IQCB1: variants seen among roughly 807,000 people sequenced by gnomAD.
IQCB1 encodes IQ calmodulin-binding motif-containing protein 1.
A neutral mutation model predicts 84.4 loss-of-function variants in IQCB1; 56 were observed. That is an observed-to-expected ratio of 0.66 (90% CI 0.54 to 0.83). The LOEUF is 0.83. Among genes scored for constraint, IQCB1 ranks in the 40% least tolerant of loss-of-function variants. The pLI is 0.00. For synonymous variants in IQCB1, 210 were observed against 234.8 expected (o/e 0.89, Z 0.96); for missense variants, 629 against 682.1 (o/e 0.92, Z 0.87).
chr3:121,825,061 C>CT (rs1553721684), intron 5 of IQCB1, among the ~76,000 whole-genome samples: 15,998 of 83,640 alleles, frequency 0.19, 1,078 homozygotes, highest in South Asian at 0.3. Flanking sequence ...TTTTTCTTTT[C>CT]TTTTTTTTTT....
At chr3:121,787,486 C>T (rs758567912) in intron 12 of IQCB1, among the ~76,000 whole-genome samples, 1 of 152,292 alleles carries the variant, frequency 6.6e-6, no homozygotes, top group South Asian at 2.1e-4. Context: ...GGAGCGGTGG[C>T]TCACGCCTGT....
chr3:121,794,139 T>TA (rs930885459), intron 10 of IQCB1, among the ~76,000 whole-genome samples: 2,118 of 148,394 alleles, frequency 0.014, 44 homozygotes, highest in African/African-American at 0.046. Flanking sequence ...GAAATGCTTT[T>TA]AAAAAAAAAA....
At chr3:121,770,713 T>C in intron 14 of IQCB1, 139 bp from the exon 15 acceptor site, 1 of 747,272 alleles carries the variant, frequency 1.3e-6, no homozygotes, top group South Asian at 1.4e-5. Context: ...GAAAGGGTCT[T>C]GCTCTATTGC....
intron 4 of IQCB1, among the ~76,000 whole-genome samples, chr3:121,827,950 C>G (rs565711317): frequency 2.1e-4 from 32 of 152,192 alleles, no homozygotes; most frequent in African/African-American, 7.7e-4. Context: ...GTAAATTCTA[C>G]TTCTAAATTT....
In IQCB1 at chr3:121,788,269, C is replaced by T; in HGVS notation, c.1278+15G>A. 6.2e-7 allele frequency: 1 copy of T among 1,613,118 alleles called. No homozygotes were observed. The highest frequency in any genetic ancestry group is 1.1e-5 in the South Asian group (1 of 91,066). On this transcript the variant is annotated intron_variant, in intron 12 of 14. Coordinates refer to ENST00000310864, the MANE Select transcript of IQCB1 (RefSeq NM_001023570.4). ...GCCTCTTGATTCAGAGCTCTTTTCA[C>T]TACATTAGACTCACTGCTCTTTGAA...
In IQCB1 at chr3:121,791,007, C is replaced by T. The variant is rs576043433; in HGVS notation, c.987-792G>A. Among the ~76,000 whole-genome samples the T allele has an allele frequency of 3.4e-3, 517 of 152,220 alleles. 1 individual carries two copies. Among genetic ancestry groups the T allele is most frequent in the Non-Finnish European group, 4.7e-3 (318 of 67,988 alleles). ...ACCAAAATTTCTCCTTAGCCATTCC[C>T]ATCTAGTTTTTGTTGCTTCCAATAT... On this transcript the variant is annotated intron_variant, in intron 10 of 14. Coordinates refer to ENST00000310864, the MANE Select transcript of IQCB1 (RefSeq NM_001023570.4).
At chr3:121,789,043 T>C (rs541602419) in intron 11 of IQCB1, among the ~76,000 whole-genome samples, 9 of 152,222 alleles carry the variant, frequency 5.9e-5, no homozygotes, top group Admixed American at 2.0e-4. Flanking sequence ...AATGGGAAAC[T>C]GAGTAAGTTG....
At chr3:121,772,210 C>G (rs1417876973) in intron 14 of IQCB1, among the ~76,000 whole-genome samples, 1 of 152,074 alleles carries the variant, frequency 6.6e-6, no homozygotes, top group Non-Finnish European at 1.5e-5. Flanking sequence ...AAATGCTCTA[C>G]AAGTGAATGG....
At chr3:121,799,975 G>A (rs536597945) in intron 7 of IQCB1, among the ~76,000 whole-genome samples, 4 of 151,868 alleles carry the variant, frequency 2.6e-5, no homozygotes, top group Admixed American at 6.6e-5. Context: ...TTTTCTAGGC[G>A]TATGTACCTC....
rs373066414 is a variant in IQCB1 at position 121,795,513 on chromosome 3, T to C, written c.930A>G (p.Thr310=). 1.2e-6 allele frequency: 2 copies of C among 1,610,728 alleles called. No homozygotes were observed. Among genetic ancestry groups the C allele is most frequent in the African/African-American group, 2.7e-5 (2 of 74,830 alleles). Residue 310 remains threonine (T), a synonymous_variant, in exon 10 of 15, where the codon ACA becomes ACG. Transcript: ENST00000310864. ...LIQAYWKGFQ[T]RKRLKKLPSA... ...ATGGAAGCTTCTTTAATCTCTTTCT[T>C]GTCTGAAAACCCTTCCAATAGGCTT...
At chr3:121,827,232 C>A (rs1266809251) in intron 4 of IQCB1, among the ~76,000 whole-genome samples, 3 of 151,930 alleles carry the variant, frequency 2.0e-5, no homozygotes, top group Non-Finnish European at 4.4e-5. Flanking sequence ...ACCTATAAAA[C>A]AAACCTCCAC....
At chr3:121,804,162 A>G (rs1443615201) in intron 7 of IQCB1, among the ~76,000 whole-genome samples, 1 of 152,144 alleles carries the variant, frequency 6.6e-6, no homozygotes, top group Non-Finnish European at 1.5e-5. Flanking sequence ...CAGTGATATT[A>G]TACCACTTCA....
rs745657205 is a variant in IQCB1 at position 121,790,188 on chromosome 3, C to T, written c.1014G>A (p.Glu338=). The T allele has an allele frequency of 1.2e-6, 2 of 1,613,734 alleles. No individual in the cohort carries two copies. The highest frequency in any genetic ancestry group is 1.7e-5 in the Admixed American group (1 of 60,014). ...FRSKRSKMLL[E]INRQKEEEDL... Reference sequence around the variant, plus strand: ...CCTCTTCTTCCTTCTGCCTATTTATCTCCAGCAACATCTTTGATCGTTTGG... The same window carrying T: ...CCTCTTCTTCCTTCTGCCTATTTATTTCCAGCAACATCTTTGATCGTTTGG... Residue 338 remains glutamate, a synonymous_variant, in exon 11 of 15, where the codon GAG becomes GAA. Transcript: ENST00000310864.
chr3:121,821,842 T>C (rs758714948), intron 5 of IQCB1, among the ~76,000 whole-genome samples: 3 of 152,206 alleles, frequency 2.0e-5, no homozygotes, highest in Non-Finnish European at 4.4e-5. Flanking sequence ...TGTGTGATTG[T>C]CAAAGATATT....
intron 13 of IQCB1, 87 bp from the exon 14 acceptor site, chr3:121,772,800 A>G (rs1948057182): frequency 6.0e-6 from 7 of 1,175,234 alleles, no homozygotes; most frequent in Non-Finnish European, 7.6e-6. Context: ...TAGACTGCTT[A>G]GCTGTCTCTC....
Position 121,781,850 on chromosome 3 carries a change from G to A in IQCB1, c.1303C>T (p.Arg435Cys), listed in dbSNP as rs11920543. The change falls in exon 13 of 15, where the codon CGT becomes TGT. Residue 435 changes from arginine (R) to cysteine (C), a missense_variant. Physicochemically the swap from Arg to Cys is radical, Grantham distance 180 (BLOSUM62 -3). Transcript: ENST00000310864. ...GGAGCAAATAGTTTCTTTTTCTTAC[G>A]GCACTTCGCTAGGAATTTAAGCGCC... ...RAALKFLAKC[R>C]KKKKLFAPWR... The A allele has an allele frequency of 0.012, 19,245 of 1,613,480 alleles. 264 individuals carry two copies. Among genetic ancestry groups the A allele is most frequent in the Non-Finnish European group, 0.012 (14,470 of 1,179,684 alleles).
chr3:121,770,252 A>G lies in IQCB1; in HGVS notation c.*93T>C. 1 of 811,648 alleles carries G rather than the reference A, an allele frequency of 1.2e-6. No homozygotes were observed. Among genetic ancestry groups the G allele is most frequent in the East Asian group, 2.6e-5 (1 of 38,714 alleles). The allele number at this position is 811,648 out of a possible 1,614,324, so 50.3% of individuals were successfully genotyped here. ...GGAGGAGAACCTCTGGAAAATAATA[A>G]GTTAGGATGGCCCTAGTCTACCAGC... On this transcript the variant is annotated 3_prime_UTR_variant, in exon 15 of 15. Coordinates refer to ENST00000310864, the MANE Select transcript of IQCB1 (RefSeq NM_001023570.4).
intron 7 of IQCB1, among the ~76,000 whole-genome samples, chr3:121,800,721 G>C (rs1367029714): frequency 6.6e-6 from 1 of 151,732 alleles, no homozygotes; most frequent in African/African-American, 2.4e-5. Context: ...TAATACAGTA[G>C]TTTAAATGCT....
chr3:121,802,157 G>C (rs944453665), intron 7 of IQCB1, among the ~76,000 whole-genome samples: 1 of 151,982 alleles, frequency 6.6e-6, no homozygotes, highest in African/African-American at 2.4e-5. Context: ...AGAATGAGTT[G>C]TAAGTGTTTC....
Sources: gnomAD v4.1 joint callset for allele counts (sites outside exome capture counted in the v4.1 genomes callset) on GRCh38, gnomAD v4.1.1 for gene constraint, MANE v1.5 for transcripts, NCBI Gene and HGNC (gene_info 2026-07-23, HGNC 2026-07-21) for gene names.